The following CREM variants were observed in gnomAD, a reference collection of about 807,000 sequenced individuals.
The protein encoded by CREM is cAMP responsive element modulator.
Under a neutral mutation model 37.3 loss-of-function variants are expected in CREM, and 13 were observed. The ratio of observed to expected loss-of-function variants is 0.35; its 90% CI spans 0.23 to 0.55. CREM has a LOEUF of 0.55. Ranked by LOEUF, CREM falls within the 20% of genes least tolerant of loss-of-function variation. The pLI, the probability that CREM is intolerant of heterozygous loss-of-function variation, is 0.88. For missense variants in CREM, 296 were observed against 362.3 expected, an observed-to-expected ratio of 0.82 and a Z score of 1.49; for synonymous variants, 124 against 120.2, an observed-to-expected ratio of 1.03 and a Z score of -0.21.
At chr10:35,200,847 G>T (rs1008704458) in intron 6 of CREM, among the ~76,000 whole-genome samples, 1 of 152,206 alleles carries the variant, frequency 6.6e-6, no homozygotes, top group Non-Finnish European at 1.5e-5. Context: ...TTCAGTCTTT[G>T]TGCTCAGTAC....
At chr10:35,165,089 AAG>A (rs1334078557) in intron 3 of CREM, among the ~76,000 whole-genome samples, 1 of 151,290 alleles carries the variant, frequency 6.6e-6, no homozygotes, top group Non-Finnish European at 1.5e-5. Flanking sequence ...GAAAAGGAAA[AAG>A]AAATACTTGA....
chr10:35,141,045 A>C (rs2091348906), intron 2 of CREM, among the ~76,000 whole-genome samples: 1 of 152,200 alleles, frequency 6.6e-6, no homozygotes, highest in South Asian at 2.1e-4. Context: ...TATGCCACTT[A>C]ATACGTTCAT....
At chr10:35,207,248 G>A (rs1422398583) in intron 7 of CREM, among the ~76,000 whole-genome samples, 197 bp downstream of exon 7, 5 of 151,548 alleles carry the variant, frequency 3.3e-5, no homozygotes, top group Middle Eastern at 3.2e-3. Context: ...AAAAAAATTC[G>A]CCGGGCGTGG....
At chr10:35,207,388 C>T (rs964805744) in intron 7 of CREM, among the ~76,000 whole-genome samples, 4 of 150,974 alleles carry the variant, frequency 2.6e-5, no homozygotes, top group Non-Finnish European at 5.9e-5. Flanking sequence ...AGCGAGACTC[C>T]ATCTCAAAAA....
intron 3 of CREM, among the ~76,000 whole-genome samples, chr10:35,172,084 A>T (rs1291799899): frequency 1.3e-5 from 2 of 152,182 alleles, no homozygotes; most frequent in Non-Finnish European, 2.9e-5. Context: ...AGCTGATGGG[A>T]TAGAAGCTGG....
rs1451345066 is a variant in CREM at position 35,211,375 on chromosome 10, C to T, written c.877C>T (p.Leu293Phe). The stretch of plus-strand genomic sequence containing the variant: ...TGAGGAACTCAAGGCCCTCAAAGAT[C>T]TTTATTGCCATAAAGTAGAGTAACT... The part of the protein sequence containing the change: ...LIEELKALKD[L>F]YCHKVE Residue 293 changes from leucine (L) to phenylalanine (F), a missense_variant, in exon 8 of 8, where the codon CTT becomes TTT. Transcript: ENST00000685392. 32 of 1,613,798 alleles carry T rather than the reference C, an allele frequency of 2.0e-5. No homozygotes were observed. Among genetic ancestry groups the T allele is most frequent in the Non-Finnish European group, 2.3e-5 (27 of 1,179,916 alleles).
intron 6 of CREM, among the ~76,000 whole-genome samples, chr10:35,203,963 G>A (rs183453940): frequency 5.3e-5 from 8 of 152,142 alleles, no homozygotes; most frequent in East Asian, 1.9e-4. Context: ...CTTCTCATTC[G>A]TCACTGGCTA....
chr10:35,211,681 C>T lies in CREM; in HGVS notation c.*283C>T. 1 of 1,612,746 alleles carries T rather than the reference C, an allele frequency of 6.2e-7. No homozygotes were observed. The highest frequency in any genetic ancestry group is 8.5e-7 in the Non-Finnish European group (1 of 1,179,538). On this transcript the variant is annotated 3_prime_UTR_variant, in exon 8 of 8. Transcript: ENST00000685392. ...GGAAGCTGCCAAAGAATGTCGACGT[C>T]GAAAGAAAGAATATGTAAAATGTCT...
chr10:35,185,105 T>A (rs2094500240), intron 5 of CREM, among the ~76,000 whole-genome samples: 1 of 142,324 alleles, frequency 7.0e-6, no homozygotes, highest in African/African-American at 2.6e-5. Flanking sequence ...GCTTTGTACT[T>A]CTTTTTTTTT....
At chr10:35,191,671 C>T (rs1312010817) in intron 6 of CREM, among the ~76,000 whole-genome samples, 1 of 152,162 alleles carries the variant, frequency 6.6e-6, no homozygotes, top group African/African-American at 2.4e-5. Flanking sequence ...GAGACTGTGT[C>T]CTCCTTGCTC....
chr10:35,151,434 A>G (rs1381001017), intron 3 of CREM, among the ~76,000 whole-genome samples: 4 of 152,194 alleles, frequency 2.6e-5, no homozygotes, highest in Non-Finnish European at 5.9e-5. Context: ...ATCTCGGCTC[A>G]CTGCAACCTC....
At chr10:35,133,171 T>G (rs1405028112) in intron 1 of CREM, among the ~76,000 whole-genome samples, 1 of 152,208 alleles carries the variant, frequency 6.6e-6, no homozygotes, top group Non-Finnish European at 1.5e-5. Context: ...ATGCATAATT[T>G]ACAGTTTACA....
chr10:35,152,698 T>C (rs951235565), intron 3 of CREM, among the ~76,000 whole-genome samples: 1 of 152,218 alleles, frequency 6.6e-6, no homozygotes, highest in Non-Finnish European at 1.5e-5. Flanking sequence ...CTGTTGATAA[T>C]AAGTTGGAGA....
intron 2 of CREM, among the ~76,000 whole-genome samples, chr10:35,142,898 G>A (rs1445255511): frequency 6.6e-6 from 1 of 152,164 alleles, no homozygotes; most frequent in Non-Finnish European, 1.5e-5. Context: ...GTGAGCCCCT[G>A]TGCTTGGCCT....
At chr10:35,177,305 T>C (rs12265597) in intron 3 of CREM, among the ~76,000 whole-genome samples, 4,564 of 152,304 alleles carry the variant, frequency 0.03, 228 homozygotes, top group African/African-American at 0.1. Flanking sequence ...TTTCCTGTGA[T>C]GGCCCCTGAT....
intron 5 of CREM, among the ~76,000 whole-genome samples, chr10:35,187,347 A>C (rs1214892021): frequency 4.2e-5 from 6 of 144,212 alleles, no homozygotes; most frequent in Admixed American, 3.0e-4. Flanking sequence ...GCAACCTCCA[A>C]CTCCCGGGTT....
At chr10:35,196,676 T>A (rs1323395430) in intron 6 of CREM, 1 of 152,250 alleles carries the variant, frequency 6.6e-6, no homozygotes, top group African/African-American at 2.4e-5. Context: ...TAGATGAACT[T>A]AAAATCATCT....
chr10:35,137,610 C>A (rs2090765800), intron 1 of CREM, among the ~76,000 whole-genome samples, 172 bp from the exon 2 acceptor site: 2 of 151,670 alleles, frequency 1.3e-5, no homozygotes, highest in South Asian at 4.2e-4. Context: ...GCTTTCTAGT[C>A]TTTTGGTTTT....
intron 3 of CREM, among the ~76,000 whole-genome samples, chr10:35,159,103 C>A (rs1383318196): frequency 1.3e-5 from 2 of 151,948 alleles, no homozygotes; most frequent in Admixed American, 1.3e-4. Flanking sequence ...AAGCAACATT[C>A]AGCCTTAATC....
Sources: gnomAD v4.1 joint callset for allele counts (sites outside exome capture counted in the v4.1 genomes callset) on GRCh38, gnomAD v4.1.1 for gene constraint, MANE v1.5 for transcripts, NCBI Gene and HGNC (gene_info 2026-07-23, HGNC 2026-07-21) for gene names.